Variants in DLGAP1 observed in about 807,000 individuals in gnomAD.
DLGAP1 encodes the protein disks large-associated protein 1.
Under a neutral mutation model 90.8 loss-of-function variants are expected in DLGAP1, and 11 were observed. That is an observed-to-expected ratio of 0.12 (90% CI 0.08 to 0.20). The LOEUF (loss-of-function observed/expected upper bound fraction) is 0.20. DLGAP1 is among the 10% of genes least tolerant of loss of function. The pLI is 1.00. For synonymous variants in DLGAP1, 558 were observed against 540.7 expected (o/e 1.03, Z -0.44); for missense variants, 1,050 against 1,333.8 (o/e 0.79, Z 3.31).
intron 2 of DLGAP1, among the ~76,000 whole-genome samples, chr18:4,131,171 T>G (rs2076308435): frequency 6.6e-6 from 1 of 152,096 alleles, no homozygotes; most frequent in African/African-American, 2.4e-5. Flanking sequence ...GTCTCCAGTT[T>G]ATGAGCTTCA....
chr18:4,278,280 C>CTTTTA lies in DLGAP1; in HGVS notation c.-266-126998_-266-126994dup, dbSNP rs555301844. 2.2e-3 allele frequency among the ~76,000 whole-genome samples: 339 copies of CTTTTA among 152,110 alleles called. 6 individuals are homozygous for CTTTTA. The highest frequency in any genetic ancestry group is 9.0e-4 in the Non-Finnish European group (61 of 68,012). Reference sequence around the variant, plus strand: ...TTAAAGGAAGTTTGCTTACATCTGCCTTTTATTTTATTTTACTTATTTGTA... The same window carrying CTTTTA: ...TTAAAGGAAGTTTGCTTACATCTGCCTTTTATTTTATTTTATTTTACTTATTTGTA... On this transcript the variant is annotated intron_variant, in intron 1 of 12. Coordinates refer to ENST00000315677, the MANE Select transcript of DLGAP1 (RefSeq NM_004746.4).
At chr18:3,970,782 G>A (rs2073431572) in intron 3 of DLGAP1, among the ~76,000 whole-genome samples, 1 of 151,974 alleles carries the variant, frequency 6.6e-6, no homozygotes, top group Admixed American at 6.6e-5. Context: ...TTAAAAATCT[G>A]GAAGCAAAAG....
At chr18:3,955,161 G>A (rs1324735614) in intron 3 of DLGAP1, among the ~76,000 whole-genome samples, 4 of 152,070 alleles carry the variant, frequency 2.6e-5, no homozygotes, top group South Asian at 4.2e-4. Context: ...AGGCTGCCTG[G>A]AAAAACTCAG....
At chr18:4,452,007 T>C (rs981209459) in intron 1 of DLGAP1, among the ~76,000 whole-genome samples, 2 of 152,048 alleles carry the variant, frequency 1.3e-5, no homozygotes, top group African/African-American at 2.4e-5. Flanking sequence ...TAATTACCAA[T>C]GGAAAAAGAG....
intron 7 of DLGAP1, among the ~76,000 whole-genome samples, chr18:3,613,853 G>C (rs1430089051): frequency 6.6e-6 from 1 of 152,094 alleles, no homozygotes; most frequent in African/African-American, 2.4e-5. Context: ...ATATGTAAAA[G>C]CCCTTTGTAA....
intron 4 of DLGAP1, among the ~76,000 whole-genome samples, chr18:3,877,741 C>T (rs906491520): frequency 6.6e-6 from 1 of 152,110 alleles, no homozygotes; most frequent in African/African-American, 2.4e-5. Context: ...TAAGTATTTA[C>T]CTTTCTTTGT....
At chr18:3,667,455 T>G (rs930742959) in intron 7 of DLGAP1, among the ~76,000 whole-genome samples, 11 of 152,158 alleles carry the variant, frequency 7.2e-5, no homozygotes, top group Non-Finnish European at 1.2e-4. Flanking sequence ...ATATACCATC[T>G]AGTACCTAGT....
At chr18:3,540,433 G>A (rs1271848760) in intron 9 of DLGAP1, among the ~76,000 whole-genome samples, 1 of 129,664 alleles carries the variant, frequency 7.7e-6, no homozygotes, top group African/African-American at 3.0e-5. Flanking sequence ...TTGCACCACT[G>A]CACTCCAGTT....
intron 3 of DLGAP1, among the ~76,000 whole-genome samples, chr18:3,891,237 C>T (rs962603436): frequency 1.3e-5 from 2 of 152,214 alleles, no homozygotes; most frequent in African/African-American, 4.8e-5. Context: ...GTCTTCACTT[C>T]CTCCCTTGCC....
intron 4 of DLGAP1, among the ~76,000 whole-genome samples, chr18:3,845,830 CAGAG>C (rs1466068401): frequency 3.3e-5 from 5 of 152,140 alleles, no homozygotes; most frequent in African/African-American, 7.2e-5. Context: ...AGCTAACAAA[CAGAG>C]AGATTTTAAG....
At chr18:4,078,978 T>C (rs746583262) in intron 2 of DLGAP1, among the ~76,000 whole-genome samples, 11 of 152,230 alleles carry the variant, frequency 7.2e-5, no homozygotes, top group Non-Finnish European at 1.2e-4. Flanking sequence ...TACAAATAGA[T>C]ACTCTTGTTC....
chr18:3,618,523 T>TG (rs2057966194), intron 7 of DLGAP1, among the ~76,000 whole-genome samples: 1 of 150,928 alleles, frequency 6.6e-6, no homozygotes, highest in Admixed American at 6.6e-5. Context: ...TGCAGGGAGT[T>TG]GGCACTGGTG....
At chr18:4,226,936 T>A (rs1040133559) in intron 1 of DLGAP1, among the ~76,000 whole-genome samples, 4 of 151,678 alleles carry the variant, frequency 2.6e-5, no homozygotes, top group Non-Finnish European at 4.4e-5. Flanking sequence ...TAAAATTTTT[T>A]AAAAAAAGAC....
chr18:3,641,586 T>TATATACAC (rs377536387), intron 7 of DLGAP1, among the ~76,000 whole-genome samples: 7 of 135,492 alleles, frequency 5.2e-5, no homozygotes, highest in African/African-American at 2.0e-4. Context: ...CATATATATA[T>TATATACAC]ACACACACAC....
chr18:3,677,796 C>T (rs979854297), intron 7 of DLGAP1, among the ~76,000 whole-genome samples: 12 of 150,342 alleles, frequency 8.0e-5, no homozygotes, highest in Non-Finnish European at 1.8e-4. Flanking sequence ...GTAGCTGGAA[C>T]TACAGGTGCT....
chr18:3,786,542 T>C (rs1279390480), intron 5 of DLGAP1, among the ~76,000 whole-genome samples: 1 of 152,186 alleles, frequency 6.6e-6, no homozygotes, highest in Non-Finnish European at 1.5e-5. Context: ...GTCTTGGGTT[T>C]GGACTAGCTA....
chr18:4,341,625 C>T (rs867066288), intron 1 of DLGAP1, among the ~76,000 whole-genome samples: 7 of 152,274 alleles, frequency 4.6e-5, no homozygotes, highest in Middle Eastern at 3.4e-3. Flanking sequence ...CCCGCTTCTA[C>T]AAACCTATCC....
chr18:4,266,121 C>A (rs758016987), intron 1 of DLGAP1, among the ~76,000 whole-genome samples: 1 of 151,972 alleles, frequency 6.6e-6, no homozygotes, highest in South Asian at 2.1e-4. Context: ...TCATTTTGAC[C>A]ATGGAGTTAC....
At chr18:3,704,105 C>T (rs1292670899) in intron 7 of DLGAP1, among the ~76,000 whole-genome samples, 1 of 152,176 alleles carries the variant, frequency 6.6e-6, no homozygotes, top group Non-Finnish European at 1.5e-5. Context: ...GCTGAGTCAC[C>T]TCACTGCATT....
Sources: allele counts gnomAD v4.1 joint callset (sites outside exome capture counted in the v4.1 genomes callset), GRCh38; gene constraint gnomAD v4.1.1; transcripts MANE v1.5; gene names NCBI Gene and HGNC (gene_info 2026-07-23, HGNC 2026-07-21).